The following PAN3 variants were observed in gnomAD, a reference collection of about 807,000 sequenced individuals.
PAN3 encodes poly(A) specific ribonuclease subunit PAN3, also known as PAN2-PAN3 deadenylation complex subunit PAN3.
A neutral mutation model predicts 96.2 loss-of-function variants in PAN3; 19 were observed. That is an observed-to-expected ratio of 0.20 (90% CI 0.14 to 0.29). The LOEUF is 0.29. Among genes scored for constraint, PAN3 ranks in the 10% least tolerant of loss-of-function variants. The pLI is 1.00. For missense variants in PAN3, 882 were observed against 1,108.1 expected (o/e 0.80, Z 2.90); for synonymous variants, 433 against 406.6 (o/e 1.06, Z -0.78).
At chr13:28,142,654 A>G (rs934574414) in intron 1 of PAN3, among the ~76,000 whole-genome samples, 20 of 152,006 alleles carry the variant, frequency 1.3e-4, no homozygotes, top group East Asian at 1.2e-3. Context: ...CGATCTGCCT[A>G]CCCTGTGAGC....
chr13:28,203,550 C>T (rs138124563), intron 5 of PAN3, among the ~76,000 whole-genome samples: 182 of 151,934 alleles, frequency 1.2e-3, no homozygotes, highest in African/African-American at 4.1e-3. Flanking sequence ...CTCAAGTGAC[C>T]CACTTGCCTC....
At chr13:28,233,925 A>T (rs758849264) in intron 6 of PAN3, among the ~76,000 whole-genome samples, 1 of 152,224 alleles carries the variant, frequency 6.6e-6, no homozygotes, top group African/African-American at 2.4e-5. Context: ...AAAGATGTGT[A>T]TCAGCATTTC....
At chr13:28,263,215 A>G (rs1266153793) in intron 9 of PAN3, among the ~76,000 whole-genome samples, 1 of 152,264 alleles carries the variant, frequency 6.6e-6, no homozygotes, top group Non-Finnish European at 1.5e-5. Context: ...GTGATAGCAC[A>G]GGGTTAAACA....
chr13:28,219,016 T>A (rs2138370476), intron 5 of PAN3, among the ~76,000 whole-genome samples: 1 of 152,320 alleles, frequency 6.6e-6, no homozygotes, highest in Admixed American at 6.5e-5. Flanking sequence ...TGTTCCCTTA[T>A]AACTAGGAAG....
At chr13:28,271,034 A>G (rs976055952) in intron 13 of PAN3, among the ~76,000 whole-genome samples, 168 bp downstream of exon 13, 4 of 152,130 alleles carry the variant, frequency 2.6e-5, no homozygotes, top group Non-Finnish European at 4.4e-5. Context: ...AAAAAGTTGA[A>G]CTCTGAATAA....
At chr13:28,144,801 A>G (rs1299839538) in intron 1 of PAN3, among the ~76,000 whole-genome samples, 1 of 140,630 alleles carries the variant, frequency 7.1e-6, no homozygotes, top group Non-Finnish European at 1.5e-5. Context: ...GCTCACTGCA[A>G]CCTCTGCTGC....
intron 12 of PAN3, among the ~76,000 whole-genome samples, chr13:28,270,301 G>A (rs1390113797): frequency 6.6e-6 from 1 of 152,152 alleles, no homozygotes; most frequent in African/African-American, 2.4e-5. Flanking sequence ...GCCACACAAT[G>A]AACAGCTCTC....
At position 28,197,323 on chromosome 13, in the gene PAN3, A is replaced by G. The variant is rs757082745; in HGVS notation, c.829A>G (p.Arg277Gly). The change falls in exon 5 of 19, where the codon AGA (arginine) becomes GGA (glycine). Residue 277 changes from arginine (R) to glycine (G), a missense_variant. Arg to Gly is a moderately radical substitution (Grantham distance 125). Around this residue, in one of 3 missense-constraint regions of PAN3, gnomAD observed 442 missense variants for 422.8 expected, o/e 1.05. Transcript: ENST00000380958. The stretch of plus-strand genomic sequence containing the variant: ...ACCCATCAATATGGTTTGGTGGAAC[A>G]GAGTCACAGAAAACAATTTACAGGT... ...GVPINMVWWN[R>G]VTENNLQTPN... 2 of 1,606,124 alleles carry G rather than the reference A, an allele frequency of 1.2e-6. No individual in the cohort carries two copies. The highest frequency in any genetic ancestry group is 1.1e-5 in the South Asian group (1 of 89,314).
chr13:28,269,963 C>T (rs1886474892), intron 12 of PAN3, among the ~76,000 whole-genome samples: 1 of 152,064 alleles, frequency 6.6e-6, no homozygotes, highest in South Asian at 2.1e-4. Flanking sequence ...TGTAGGGACT[C>T]ATGCTTGCAA....
At chr13:28,206,284 G>GAA (rs922362274) in intron 5 of PAN3, among the ~76,000 whole-genome samples, 5 of 141,246 alleles carry the variant, frequency 3.5e-5, no homozygotes, top group Non-Finnish European at 6.2e-5. Context: ...CCATTCTATT[G>GAA]AAACTGTTTT....
chr13:28,158,899 A>G (rs1220979637), intron 1 of PAN3, among the ~76,000 whole-genome samples: 1 of 151,834 alleles, frequency 6.6e-6, no homozygotes, highest in African/African-American at 2.4e-5. Flanking sequence ...AAAAAGCTCA[A>G]CGTCACTAAT....
chr13:28,197,435 G>A, intron 5 of PAN3, 89 bp downstream of exon 5: 5 of 1,306,030 alleles, frequency 3.8e-6, no homozygotes, highest in Non-Finnish European at 5.2e-6. Flanking sequence ...TGAAAGGATT[G>A]GATGACTTAG....
intron 6 of PAN3, among the ~76,000 whole-genome samples, chr13:28,233,074 A>C (rs138787605): frequency 0.01 from 1,559 of 152,246 alleles, 25 homozygotes; most frequent in African/African-American, 0.035. Context: ...GAATACGAAA[A>C]TTTTAAATCA....
chr13:28,195,114 A>G lies in PAN3; in HGVS notation c.691-2071A>G, dbSNP rs117069478. On this transcript the variant is annotated intron_variant, in intron 4 of 18. Coordinates refer to ENST00000380958, the MANE Select transcript of PAN3 (RefSeq NM_175854.8). ...AAGGTGGAGGTATGTTAGTCTCATA[A>G]AACTCTGTTCGTTAGGCTGATGTGG... 7.3e-3 allele frequency among the ~76,000 whole-genome samples: 1,116 copies of G among 152,274 alleles called. 7 individuals are homozygous for G. The highest frequency in any genetic ancestry group is 0.013 in the Non-Finnish European group (863 of 68,016).
chr13:28,215,518 G>A (rs752852359), intron 5 of PAN3: 1 of 669,978 alleles, frequency 1.5e-6, no homozygotes, highest in Admixed American at 2.3e-5. Flanking sequence ...ACGAATGAAG[G>A]CAGTTGGCCT....
At chr13:28,279,927 G>T (rs1467635062) in intron 15 of PAN3, among the ~76,000 whole-genome samples, 1 of 151,640 alleles carries the variant, frequency 6.6e-6, no homozygotes, top group East Asian at 2.0e-4. Flanking sequence ...AGCCTCCTGA[G>T]TAGCTGGGAC....
Position 28,260,511 on chromosome 13 carries a change from C to T in PAN3, c.1313C>T (p.Ala438Val), listed in dbSNP as rs1202818425. 1.2e-6 allele frequency: 2 copies of T among 1,613,436 alleles called. No homozygotes were observed. The highest frequency in any genetic ancestry group is 2.7e-5 in the African/African-American group (2 of 74,864). Residue 438 changes from alanine to valine, a missense_variant, in exon 8 of 19, where the codon GCA (alanine) becomes GTA (valine). Physicochemically the swap from Ala to Val is moderately conservative, Grantham distance 64. Coordinates refer to ENST00000380958, the MANE Select transcript of PAN3 (RefSeq NM_175854.8). Reference sequence around the variant, plus strand: ...CACGTTGCTTATATGCAACCGAAAGCAAACGCACCTTCCTTCTTCATGGCT... The same window carrying T: ...CACGTTGCTTATATGCAACCGAAAGTAAACGCACCTTCCTTCTTCATGGCT... The part of the protein sequence containing the change: ...APHVAYMQPK[A>V]NAPSFFMADE...
chr13:28,146,371 T>G (rs896212265), intron 1 of PAN3, among the ~76,000 whole-genome samples: 10 of 151,506 alleles, frequency 6.6e-5, no homozygotes, highest in African/African-American at 2.2e-4. Flanking sequence ...GGCTGGGTAG[T>G]TAACTTCCCC....
chr13:28,196,914 C>T (rs779580714), intron 4 of PAN3, among the ~76,000 whole-genome samples: 1 of 151,962 alleles, frequency 6.6e-6, no homozygotes, highest in Non-Finnish European at 1.5e-5. Context: ...TAAGTAAAGT[C>T]GTATAAAATC....
Sources: gnomAD v4.1 joint callset for allele counts (sites outside exome capture counted in the v4.1 genomes callset) on GRCh38, gnomAD v4.1.1 for gene constraint, gnomAD v4.1.1 regional missense constraint, MANE v1.5 for transcripts, NCBI Gene and HGNC (gene_info 2026-07-23, HGNC 2026-07-21) for gene names.